NAA60: variants seen among roughly 807,000 people sequenced by gnomAD.
The protein encoded by NAA60 is N-alpha-acetyltransferase 60, NatF catalytic subunit.
Under a neutral mutation model 26.1 loss-of-function variants are expected in NAA60, and 8 were observed. That is an observed-to-expected ratio of 0.31 (90% CI 0.18 to 0.55). The LOEUF (loss-of-function observed/expected upper bound fraction) is 0.55. Ranked by LOEUF, NAA60 falls within the 20% of genes least tolerant of loss-of-function variation. NAA60 has a pLI of 0.93. For missense variants in NAA60, 290 were observed against 311.3 expected, an observed-to-expected ratio of 0.93 and a Z score of 0.51; for synonymous variants, 131 against 122.5, an observed-to-expected ratio of 1.07 and a Z score of -0.46.
In NAA60 at chr16:3,486,529, A is replaced by T. The variant is rs1281917705; in HGVS notation, c.*1269A>T. 2 of 151,936 alleles carry T rather than the reference A, an allele frequency of 1.3e-5. No homozygotes were observed. Among genetic ancestry groups the T allele is most frequent in the Non-Finnish European group, 2.9e-5 (2 of 67,982 alleles). The allele number at this position is 151,936 out of a possible 1,614,324, so 9.4% of individuals were successfully genotyped here. A position where few individuals can be genotyped will look rare whatever the true frequency, so the allele number is the denominator to read the frequency against. ...GGGGCAGCCCCAGGTCCCCTCTTGAACTCAGCTGGGGCCAGGGGCCCTCAG... is the reference window on the plus strand; with the variant it reads ...GGGGCAGCCCCAGGTCCCCTCTTGATCTCAGCTGGGGCCAGGGGCCCTCAG... On this transcript the variant is annotated 3_prime_UTR_variant, in exon 8 of 8. Transcript: ENST00000407558.
At chr16:3,450,568 T>C (rs894357777) in intron 2 of NAA60, among the ~76,000 whole-genome samples, 1 of 151,726 alleles carries the variant, frequency 6.6e-6, no homozygotes, top group Non-Finnish European at 1.5e-5. Context: ...AGCGTGGTGG[T>C]GGGCACCTGT....
At position 3,443,760 on chromosome 16, in the gene NAA60, G is replaced by C. The variant is rs1256596087; in HGVS notation, c.-154G>C. On this transcript the variant is annotated 5_prime_UTR_variant, in exon 1 of 8. Transcript: ENST00000407558. ...GTAGAGTCTTAGGGTGACCCCAGGG[G>C]GACGTAATGTTTCCGAGAAGAAGGA... 1 of 1,533,354 alleles carries C rather than the reference G, an allele frequency of 6.5e-7. No homozygotes were observed. Among genetic ancestry groups the C allele is most frequent in the East Asian group, 2.5e-5 (1 of 40,708 alleles). 95.0% of individuals were successfully genotyped at this position (1,533,354 alleles called of 1,614,324 possible). A position where few individuals can be genotyped will look rare whatever the true frequency, so the allele number is the denominator to read the frequency against.
rs1235397047 is a variant in NAA60 at position 3,443,837 on chromosome 16, T to G, written c.-77T>G. 1 of 1,533,374 alleles carries G rather than the reference T, an allele frequency of 6.5e-7. No homozygotes were observed. 95.0% of individuals were successfully genotyped at this position (1,533,374 alleles called of 1,614,324 possible). On this transcript the variant is annotated splice_region_variant and 5_prime_UTR_variant, in exon 1 of 8. Coordinates refer to ENST00000407558, the MANE Select transcript of NAA60 (RefSeq NM_001083601.3). ...ACTCGAAAGAAAATCGGTAACAAAATGTGGGTTCGGCCAACAGTGCCCTGT... is the reference window on the plus strand; with the variant it reads ...ACTCGAAAGAAAATCGGTAACAAAAGGTGGGTTCGGCCAACAGTGCCCTGT...
At chr16:3,472,976 T>C (rs745890710) in intron 2 of NAA60, among the ~76,000 whole-genome samples, 1 of 152,120 alleles carries the variant, frequency 6.6e-6, no homozygotes, top group Non-Finnish European at 1.5e-5. Flanking sequence ...ATCTGTTCTT[T>C]TAGAGGTTTT....
intron 2 of NAA60, among the ~76,000 whole-genome samples, chr16:3,449,570 A>C (rs1478108105): frequency 6.6e-6 from 1 of 152,138 alleles, no homozygotes; most frequent in Non-Finnish European, 1.5e-5. Flanking sequence ...CTGTAGTCCC[A>C]GCTACTCGGG....
chr16:3,451,174 T>G (rs1206659641), intron 2 of NAA60, among the ~76,000 whole-genome samples: 6 of 152,190 alleles, frequency 3.9e-5, no homozygotes, highest in African/African-American at 7.2e-5. Flanking sequence ...TGGTCACCAT[T>G]TGTACCCAGA....
At chr16:3,450,449 C>T (rs1265200603) in intron 2 of NAA60, among the ~76,000 whole-genome samples, 1 of 152,112 alleles carries the variant, frequency 6.6e-6, no homozygotes, top group East Asian at 1.9e-4. Context: ...GCCTGTAATC[C>T]CAGCACTTTG....
Position 3,476,235 on chromosome 16 carries a change from A to AGGT in NAA60, c.13_15dup (p.Val5dup). 6.2e-7 allele frequency: 1 copy of AGGT among 1,603,344 alleles called. No individual in the cohort carries two copies. Among genetic ancestry groups the AGGT allele is most frequent in the East Asian group, 2.2e-5 (1 of 44,718 alleles). On this transcript the variant is annotated inframe_insertion, in exon 3 of 8. Transcript: ENST00000407558. ...CCTTCCCCACAGGTGTGAATGACAG[A>AGGT]GGTGGTGCCATCCAGCGCGCTCAGC...
chr16:3,482,717 C>G (rs904222860), intron 5 of NAA60, 119 bp downstream of exon 5: 15 of 741,362 alleles, frequency 2.0e-5, no homozygotes, highest in South Asian at 3.1e-5. Context: ...GTGAACATCC[C>G]TCAGTCTCAT....
chr16:3,478,820 C>T (rs2036646372), intron 3 of NAA60, among the ~76,000 whole-genome samples: 1 of 152,190 alleles, frequency 6.6e-6, no homozygotes, highest in Non-Finnish European at 1.5e-5. Context: ...CTCGTAGGCA[C>T]TCCTCCAGTG....
Position 3,477,789 on chromosome 16 carries a change from G to A in NAA60, c.110+1452G>A, listed in dbSNP as rs571383850. On this transcript the variant is annotated intron_variant, in intron 3 of 7. Transcript: ENST00000407558. ...TATTAAAAATACAAAAATTGGGCCG[G>A]GCGCAGTGGCTCACGCCTGTAATCC... 5.0e-3 allele frequency among the ~76,000 whole-genome samples: 761 copies of A among 152,136 alleles called. 1 individual carries two copies. Among genetic ancestry groups the A allele is most frequent in the African/African-American group, 0.017 (695 of 41,504 alleles).
In NAA60 at chr16:3,485,692, A is replaced by T. The variant is rs1483223291; in HGVS notation, c.*432A>T. The T allele has an allele frequency of 2.2e-6, 1 of 456,444 alleles. No individual in the cohort carries two copies. The highest frequency in any genetic ancestry group is 4.4e-6 in the Non-Finnish European group (1 of 226,942). The allele number at this position is 456,444 out of a possible 1,614,324, so 28.3% of individuals were successfully genotyped here. A position where few individuals can be genotyped will look rare whatever the true frequency, so the allele number is the denominator to read the frequency against. On this transcript the variant is annotated 3_prime_UTR_variant, in exon 8 of 8. Transcript: ENST00000407558. ...GGAGGAACGCAAGTATTATGGACACACTTGACCGTAAAGGCACAGGAGCCT... is the reference window on the plus strand; with the variant it reads ...GGAGGAACGCAAGTATTATGGACACTCTTGACCGTAAAGGCACAGGAGCCT...
chr16:3,471,464 G>C (rs543448829), intron 2 of NAA60, among the ~76,000 whole-genome samples: 1 of 152,222 alleles, frequency 6.6e-6, no homozygotes, highest in East Asian at 1.9e-4. Flanking sequence ...GATCGCGCCA[G>C]TGCACTCCAG....
At chr16:3,458,104 C>G (rs970174100) in intron 2 of NAA60, 7 of 985,182 alleles carry the variant, frequency 7.1e-6, no homozygotes, top group Admixed American at 1.2e-4. Context: ...TCCGCGCGGT[C>G]CCACTTCCCG....
At chr16:3,483,282 C>A in intron 5 of NAA60, 81 bp from the exon 6 acceptor site, 2 of 1,017,900 alleles carry the variant, frequency 2.0e-6, no homozygotes, top group South Asian at 2.8e-5. Context: ...CCGAGAGACT[C>A]ATGCAAAGCC....
In NAA60 at chr16:3,484,899, C is replaced by G. The variant is rs377616620; in HGVS notation, c.*44C>G. On this transcript the variant is annotated 3_prime_UTR_variant, in exon 7 of 8. Coordinates refer to ENST00000407558, the MANE Select transcript of NAA60 (RefSeq NM_001083601.3). ...CACCAGGCCCCACCCTTCGGCCGCCCGCAGAGCCCGCCTTCCTGTCCATCT... is the reference window on the plus strand; with the variant it reads ...CACCAGGCCCCACCCTTCGGCCGCCGGCAGAGCCCGCCTTCCTGTCCATCT... The G allele has an allele frequency of 6.5e-7, 1 of 1,548,722 alleles. No individual in the cohort carries two copies. The highest frequency in any genetic ancestry group is 8.7e-7 in the Non-Finnish European group (1 of 1,146,994).
chr16:3,481,541 G>T (rs973696554), intron 4 of NAA60, among the ~76,000 whole-genome samples: 1 of 152,140 alleles, frequency 6.6e-6, no homozygotes, highest in Non-Finnish European at 1.5e-5. Flanking sequence ...TCTGGAATGT[G>T]TTTGTGTTCC....
intron 2 of NAA60, chr16:3,457,955 AG>A (rs1429125563): frequency 1.0e-6 from 1 of 983,516 alleles, no homozygotes; most frequent in African/African-American, 1.7e-5. Context: ...CGCCGGCCTC[AG>A]GGGGCGGGGC....
At chr16:3,453,259 A>T (rs1255486786) in intron 2 of NAA60, among the ~76,000 whole-genome samples, 3 of 152,008 alleles carry the variant, frequency 2.0e-5, no homozygotes, top group African/African-American at 7.2e-5. Context: ...TTAGCTGGGC[A>T]TGGTGGCATG....
Sources: gnomAD v4.1 joint callset for allele counts (sites outside exome capture counted in the v4.1 genomes callset) on GRCh38, gnomAD v4.1.1 for gene constraint, MANE v1.5 for transcripts, NCBI Gene and HGNC (gene_info 2026-07-23, HGNC 2026-07-21) for gene names.